Variants in PPP1R12A observed in about 807,000 individuals in gnomAD.
PPP1R12A encodes myosin binding subunit.
PPP1R12A carries 19 observed loss-of-function variants against 139.6 expected under a neutral mutation model. The observed-to-expected ratio is 0.14, with a 90% CI of 0.09 to 0.20. The LOEUF is 0.20. Ranked by LOEUF, PPP1R12A falls within the 10% of genes least tolerant of loss-of-function variation. PPP1R12A has a pLI of 1.00. For missense variants in PPP1R12A, 925 were observed against 1,211.5 expected (o/e 0.76, Z 3.51); for synonymous variants, 427 against 420.6 (o/e 1.02, Z -0.19).
At chr12:79,904,092 G>A (rs1885883711) in intron 1 of PPP1R12A, among the ~76,000 whole-genome samples, 2 of 152,074 alleles carry the variant, frequency 1.3e-5, no homozygotes, top group Admixed American at 1.3e-4. Context: ...ATGGGCACCT[G>A]TAATCCCAGC....
chr12:79,775,827 T>C lies in PPP1R12A; in HGVS notation c.*102A>G. ...GGGCATTTGGCAGGATATCCGAAAA[T>C]GACAGTCTCCAAGGATTCTTCCCAG... On this transcript the variant is annotated 3_prime_UTR_variant, in exon 25 of 25. Coordinates refer to ENST00000450142, the MANE Select transcript of PPP1R12A (RefSeq NM_002480.3). The C allele has an allele frequency of 1.4e-6, 1 of 697,948 alleles. No homozygotes were observed. The highest frequency in any genetic ancestry group is 2.2e-6 in the Non-Finnish European group (1 of 460,458). The allele number at this position is 697,948 out of a possible 1,614,324, so 43.2% of individuals were successfully genotyped here.
rs1565749507 is a variant in PPP1R12A, at chr12:79,806,164, AC to A, written c.1823+1del. 1 of 1,613,664 alleles carries A rather than the reference AC, an allele frequency of 6.2e-7. No individual in the cohort carries two copies. Among genetic ancestry groups the A allele is most frequent in the Non-Finnish European group, 8.5e-7 (1 of 1,179,652 alleles). On this transcript the variant is annotated splice_donor_variant, in intron 13 of 24. Coordinates refer to ENST00000450142, the MANE Select transcript of PPP1R12A (RefSeq NM_002480.3). LOFTEE classifies it high-confidence loss of function. ...TGAGCACAAAATGTATCTGTGACTT[AC>A]CTGCTTTGTGTGCCTGCTGAGGAAG...
intron 1 of PPP1R12A, among the ~76,000 whole-genome samples, chr12:79,901,783 C>A (rs991874049): frequency 1.3e-5 from 2 of 152,056 alleles, no homozygotes; most frequent in African/African-American, 4.8e-5. Context: ...CAAATAAATA[C>A]GTAATTACAC....
intron 5 of PPP1R12A, among the ~76,000 whole-genome samples, chr12:79,824,222 T>A (rs1056554062): frequency 6.6e-6 from 1 of 152,212 alleles, no homozygotes; most frequent in Non-Finnish European, 1.5e-5. Flanking sequence ...TTTTGCTATA[T>A]CATATGCTTT....
intron 2 of PPP1R12A, among the ~76,000 whole-genome samples, chr12:79,869,859 C>T (rs1882377397): frequency 6.6e-6 from 1 of 151,592 alleles, no homozygotes; most frequent in Non-Finnish European, 1.5e-5. Flanking sequence ...ACCACAGTGA[C>T]CATATGCCCC....
chr12:79,829,074 G>A (rs1218469721), intron 4 of PPP1R12A, among the ~76,000 whole-genome samples: 1 of 152,110 alleles, frequency 6.6e-6, no homozygotes, highest in African/African-American at 2.4e-5. Context: ...AGATACTCCA[G>A]TCATCAACAA....
intron 24 of PPP1R12A, chr12:79,777,662 T>C (rs1165561262): frequency 3.1e-6 from 3 of 979,978 alleles, no homozygotes; most frequent in Non-Finnish European, 3.6e-6. Flanking sequence ...TCTGCAGGAA[T>C]CAGAACATAA....
At chr12:79,807,017 T>C in intron 12 of PPP1R12A, 1 of 352,856 alleles carries the variant, frequency 2.8e-6, no homozygotes, top group Non-Finnish European at 5.1e-6. Context: ...TTCATAATAT[T>C]TGAAGCTTAA....
At chr12:79,892,053 C>T (rs1402093243) in intron 1 of PPP1R12A, among the ~76,000 whole-genome samples, 1 of 152,166 alleles carries the variant, frequency 6.6e-6, no homozygotes, top group Non-Finnish European at 1.5e-5. Context: ...ATCTACTATG[C>T]AGTGATAACT....
At chr12:79,866,150 C>T (rs944869337) in intron 2 of PPP1R12A, among the ~76,000 whole-genome samples, 2 of 152,160 alleles carry the variant, frequency 1.3e-5, no homozygotes, top group Non-Finnish European at 2.9e-5. Flanking sequence ...GAACAGAGGC[C>T]TCAGAAATAA....
chr12:79,865,188 C>T (rs1881825293), intron 2 of PPP1R12A, among the ~76,000 whole-genome samples: 1 of 152,168 alleles, frequency 6.6e-6, no homozygotes, highest in African/African-American at 2.4e-5. Flanking sequence ...AAACGTAATC[C>T]ATCACATAAA....
At chr12:79,872,997 C>T (rs921638134) in intron 1 of PPP1R12A, 59 bp from the exon 2 acceptor site, 8 of 1,483,062 alleles carry the variant, frequency 5.4e-6, no homozygotes, top group South Asian at 2.5e-5. Flanking sequence ...CCAAATAATA[C>T]ATCAATAGAA....
chr12:79,883,175 C>A (rs1476724953), intron 1 of PPP1R12A, among the ~76,000 whole-genome samples: 1 of 152,000 alleles, frequency 6.6e-6, no homozygotes, highest in Non-Finnish European at 1.5e-5. Context: ...AAACCCTCCA[C>A]CAGCAAAAAG....
chr12:79,812,221 A>G (rs1874628493), intron 9 of PPP1R12A, among the ~76,000 whole-genome samples: 1 of 152,162 alleles, frequency 6.6e-6, no homozygotes, highest in African/African-American at 2.4e-5. Flanking sequence ...TTATATGTCT[A>G]AAAGCACCTT....
intron 1 of PPP1R12A, among the ~76,000 whole-genome samples, chr12:79,910,414 G>T (rs1283467683): frequency 6.6e-6 from 1 of 152,072 alleles, no homozygotes; most frequent in Non-Finnish European, 1.5e-5. Context: ...TGGGAGGTGG[G>T]AGGTTGCAGT....
rs1873724749 is a variant in PPP1R12A at position 79,805,579 on chromosome 12, G to A, written c.2000+13C>T. On this transcript the variant is annotated intron_variant, in intron 14 of 24. Transcript: ENST00000450142. ...CAAGATATATCAGCAGTACTGTTAT[G>A]ACCTTTACACACCTGCGTCTCTCCC... 1 of 1,612,588 alleles carries A rather than the reference G, an allele frequency of 6.2e-7. No homozygotes were observed.
chr12:79,775,088 T>TA lies in PPP1R12A; in HGVS notation c.*840dup, dbSNP rs1285413505. 2.0e-5 allele frequency: 3 copies of TA among 152,492 alleles called. No individual in the cohort carries two copies. Among genetic ancestry groups the TA allele is most frequent in the African/African-American group, 7.2e-5 (3 of 41,424 alleles). 9.4% of individuals were successfully genotyped at this position (152,492 alleles called of 1,614,324 possible). ...TGTGGTGGTCTAAAAATCAAAACAA[T>TA]ACACTTATTTGTATATACAGCATCA... On this transcript the variant is annotated 3_prime_UTR_variant, in exon 25 of 25. Coordinates refer to ENST00000450142, the MANE Select transcript of PPP1R12A (RefSeq NM_002480.3).
intron 1 of PPP1R12A, among the ~76,000 whole-genome samples, chr12:79,886,627 A>T (rs917334868): frequency 6.6e-6 from 1 of 152,186 alleles, no homozygotes; most frequent in African/African-American, 2.4e-5. Flanking sequence ...ACAAAGAGAG[A>T]TCACAATATA....
Position 79,773,676 on chromosome 12 carries a change from ATGCTG to A in PPP1R12A, c.*2248_*2252del, listed in dbSNP as rs1315658452. ...TTGCATTTACAGATGTGCATGTACAATGCTGTGCAAATTATCACAATATTACAATT... is the reference window on the plus strand; with the variant it reads ...TTGCATTTACAGATGTGCATGTACAATGCAAATTATCACAATATTACAATT... On this transcript the variant is annotated 3_prime_UTR_variant, in exon 25 of 25. Transcript: ENST00000450142. The A allele has an allele frequency of 6.6e-6, 1 of 152,226 alleles. No homozygotes were observed. The highest frequency in any genetic ancestry group is 1.5e-5 in the Non-Finnish European group (1 of 68,028). 9.4% of individuals were successfully genotyped at this position (152,226 alleles called of 1,614,324 possible). A position where few individuals can be genotyped will look rare whatever the true frequency, so the allele number is the denominator to read the frequency against.
Sources: allele counts gnomAD v4.1 joint callset (sites outside exome capture counted in the v4.1 genomes callset), GRCh38; gene constraint gnomAD v4.1.1; transcripts MANE v1.5; gene names NCBI Gene and HGNC (gene_info 2026-07-23, HGNC 2026-07-21).